The following DYNC2H1 variants were observed in gnomAD, a reference collection of about 807,000 sequenced individuals.
The protein encoded by DYNC2H1 is dynein cytoplasmic 2 heavy chain 1, also known as cytoplasmic dynein 2 heavy chain 1.
In DYNC2H1, 410 loss-of-function variants were observed where a neutral mutation model predicts 570.0. The ratio of observed to expected loss-of-function variants is 0.72; its 90% confidence interval spans 0.66 to 0.78. DYNC2H1 has a LOEUF of 0.78. Among genes scored for constraint, DYNC2H1 ranks in the 30% least tolerant of loss-of-function variants. The pLI, the probability that DYNC2H1 is intolerant of heterozygous loss-of-function variation, is 0.00. For missense variants in DYNC2H1, 4,865 were observed against 5,046.4 expected (o/e 0.96, Z 1.09); for synonymous variants, 1,688 against 1,677.6 (o/e 1.01, Z -0.15).
chr11:103,235,492 TA>T (rs1376261143), intron 61 of DYNC2H1, among the ~76,000 whole-genome samples, 179 bp from the exon 62 acceptor site: 1 of 151,958 alleles, frequency 6.6e-6, no homozygotes, highest in African/African-American at 2.4e-5. Flanking sequence ...TTTATACTTT[TA>T]AAAAATATCA....
At chr11:103,233,830 A>ATATATG (rs1555076328) in intron 60 of DYNC2H1, among the ~76,000 whole-genome samples, 12 of 75,874 alleles carry the variant, frequency 1.6e-4, no homozygotes, top group Admixed American at 5.0e-4. Flanking sequence ...GCTACACTTT[A>ATATATG]TGTGTGTGTG....
At chr11:103,417,471 A>C (rs1456393567) in intron 84 of DYNC2H1, among the ~76,000 whole-genome samples, 5 of 152,236 alleles carry the variant, frequency 3.3e-5, no homozygotes, top group Admixed American at 6.5e-5. Context: ...TGCTTCATGC[A>C]CATAATCACA....
At chr11:103,152,789 T>C (rs538561944) in intron 21 of DYNC2H1, among the ~76,000 whole-genome samples, 121 of 152,270 alleles carry the variant, frequency 7.9e-4, no homozygotes, top group African/African-American at 2.9e-3. Flanking sequence ...AGTTGCTGTG[T>C]AGTAGGGTTG....
chr11:103,456,462 A>C (rs1374645435), intron 87 of DYNC2H1, 106 bp downstream of exon 87: 1 of 781,922 alleles, frequency 1.3e-6, no homozygotes, highest in Non-Finnish European at 2.0e-6. Flanking sequence ...GTGTAAGATC[A>C]GTAGAGTTAG....
chr11:103,153,600 A>C, intron 22 of DYNC2H1, 92 bp downstream of exon 22: 1 of 1,132,518 alleles, frequency 8.8e-7, no homozygotes, highest in Non-Finnish European at 1.3e-6. Flanking sequence ...TATCTTGATA[A>C]CTTTCCTCAT....
At chr11:103,308,660 A>AGT (rs1405723664) in intron 78 of DYNC2H1, among the ~76,000 whole-genome samples, 1 of 151,900 alleles carries the variant, frequency 6.6e-6, no homozygotes, top group East Asian at 1.9e-4. Context: ...CTTTTCTTTG[A>AGT]GTGTGTGTGT....
intron 54 of DYNC2H1, 127 bp from the exon 55 acceptor site, chr11:103,215,594 C>G: frequency 1.2e-6 from 1 of 844,066 alleles, no homozygotes. Flanking sequence ...AAACCTAAGT[C>G]TACTTGCTAC....
intron 50 of DYNC2H1, among the ~76,000 whole-genome samples, chr11:103,200,761 G>A (rs1565390778): frequency 6.6e-6 from 1 of 152,142 alleles, no homozygotes; most frequent in South Asian, 2.1e-4. Flanking sequence ...CTGGAAAAAT[G>A]CACATTCTCC....
chr11:103,173,367 T>A, intron 35 of DYNC2H1, 62 bp downstream of exon 35: 1 of 1,184,242 alleles, frequency 8.4e-7, no homozygotes, highest in Non-Finnish European at 1.1e-6. Flanking sequence ...TTTTGGTTAT[T>A]AGTGATCATT....
At chr11:103,351,505 A>G (rs904514360) in intron 82 of DYNC2H1, among the ~76,000 whole-genome samples, 1 of 152,150 alleles carries the variant, frequency 6.6e-6, no homozygotes, top group African/African-American at 2.4e-5. Context: ...ACAATCTCCC[A>G]AATCTTTGCT....
intron 85 of DYNC2H1, among the ~76,000 whole-genome samples, chr11:103,449,873 GTATTT>G (rs1446719494): frequency 3.3e-5 from 5 of 151,956 alleles, no homozygotes; most frequent in African/African-American, 9.7e-5. Flanking sequence ...AAATTGATAG[GTATTT>G]TAAAGTCACC....
chr11:103,264,897 G>C lies in DYNC2H1; in HGVS notation c.10695+4920G>C, dbSNP rs376887828. Among the ~76,000 whole-genome samples the C allele has an allele frequency of 7.9e-5, 12 of 152,052 alleles. No individual in the cohort carries two copies. The East Asian group carries it at 1.3e-3, about 17-fold the overall frequency. Reference sequence around the variant, plus strand: ...AAAGTGGCAAGAGAAAGAAATAAAGGGTATTCAGATAGGAAGAGAGAAAGT... The same window carrying C: ...AAAGTGGCAAGAGAAAGAAATAAAGCGTATTCAGATAGGAAGAGAGAAAGT... On this transcript the variant is annotated intron_variant, in intron 70 of 88. Coordinates refer to ENST00000375735, the MANE Select transcript of DYNC2H1 (RefSeq NM_001377.3). This position sits in a 1 kb window ranked among gnomAD's most constrained non-coding sequence, Gnocchi z 4.8.
At chr11:103,115,806 A>T (rs1858360450) in intron 4 of DYNC2H1, among the ~76,000 whole-genome samples, 1 of 152,136 alleles carries the variant, frequency 6.6e-6, no homozygotes. Context: ...CAAAAAACAA[A>T]AAAAACCCCA....
chr11:103,282,923 A>T, intron 72 of DYNC2H1, 85 bp from the exon 73 acceptor site: 1 of 1,000,100 alleles, frequency 1.0e-6, no homozygotes, highest in Non-Finnish European at 1.5e-6. Context: ...TTTTTTTCAA[A>T]ATAATAAAAT....
intron 87 of DYNC2H1, among the ~76,000 whole-genome samples, chr11:103,459,724 G>A (rs377230785): frequency 4.6e-5 from 7 of 151,132 alleles, no homozygotes; most frequent in African/African-American, 1.5e-4. Context: ...AGGCCGAGGC[G>A]GGTGGATCAT....
At position 103,465,873 on chromosome 11, in the gene DYNC2H1, A is replaced by G. The variant is rs1448936079; in HGVS notation, c.12649-2716A>G. Among the ~76,000 whole-genome samples the G allele has an allele frequency of 1.3e-5, 2 of 152,144 alleles. No homozygotes were observed. Among genetic ancestry groups the G allele is most frequent in the African/African-American group, 2.4e-5 (1 of 41,434 alleles). The stretch of plus-strand genomic sequence containing the variant: ...GTTGCTTAAAGTCCTACCACATTCT[A>G]TTGGTCAAAGCAATTTAAAAGACCA... On this transcript the variant is annotated intron_variant, in intron 87 of 88. Transcript: ENST00000375735. The surrounding 1 kb of genome is among the most constrained non-coding windows in gnomAD (Gnocchi z 4.9).
At chr11:103,267,646 T>G (rs1055714731) in intron 70 of DYNC2H1, among the ~76,000 whole-genome samples, 1 of 152,056 alleles carries the variant, frequency 6.6e-6, no homozygotes, top group African/African-American at 2.4e-5. Context: ...AAACAAAACT[T>G]TAAAATATTT....
In DYNC2H1 at chr11:103,299,161, G is replaced by A. The variant is rs967168112; in HGVS notation, c.11096-3932G>A. ...CTACAGTAACCAGAAATTTTTAAAC[G>A]TTCTTCATCCAAAAGTTATTTTTGA... On this transcript the variant is annotated intron_variant, in intron 75 of 88. Coordinates refer to ENST00000375735, the MANE Select transcript of DYNC2H1 (RefSeq NM_001377.3). The surrounding 1 kb of genome is among the most constrained non-coding windows in gnomAD (Gnocchi z 4.5). Among the ~76,000 whole-genome samples, 5 of 151,958 alleles carry A rather than the reference G, an allele frequency of 3.3e-5. No homozygotes were observed. The highest frequency in any genetic ancestry group is 1.2e-4 in the African/African-American group (5 of 41,374).
chr11:103,271,831 A>G (rs1283352795), intron 70 of DYNC2H1, among the ~76,000 whole-genome samples: 1 of 152,224 alleles, frequency 6.6e-6, no homozygotes, highest in African/African-American at 2.4e-5. Flanking sequence ...AATGCTCATC[A>G]TCACTGGCCA....
Sources: allele counts gnomAD v4.1 joint callset (sites outside exome capture counted in the v4.1 genomes callset), GRCh38; gene constraint gnomAD v4.1.1; non-coding constraint Gnocchi (gnomAD v3.1); transcripts MANE v1.5; gene names NCBI Gene and HGNC (gene_info 2026-07-23, HGNC 2026-07-21).